TMEM184A: variants seen among roughly 807,000 people sequenced by gnomAD.
The protein encoded by TMEM184A is transmembrane protein 184A.
Under a neutral mutation model 39.5 loss-of-function variants are expected in TMEM184A, and 40 were observed. That is an observed-to-expected ratio of 1.01 (90% CI 0.79 to 1.32). TMEM184A has a LOEUF of 1.32. Among genes scored for constraint, TMEM184A ranks in the 40% most tolerant of loss-of-function variants. The pLI is 0.00. For missense variants in TMEM184A, 603 were observed against 568.8 expected (o/e 1.06, Z -0.61); for synonymous variants, 280 against 252.3 (o/e 1.11, Z -1.04).
chr7:1,550,292 G>A lies in TMEM184A; in HGVS notation c.476+13C>T, dbSNP rs1221908817. 3.1e-6 allele frequency: 5 copies of A among 1,612,144 alleles called. No individual in the cohort carries two copies. Among genetic ancestry groups the A allele is most frequent in the East Asian group, 2.2e-5 (1 of 44,860 alleles). Reference sequence around the variant, plus strand: ...GTGTGTGGGGTGTGGGGGCTCTGGGGTGACGGGCTTACTTGATGGGCTTTC... The same window carrying A: ...GTGTGTGGGGTGTGGGGGCTCTGGGATGACGGGCTTACTTGATGGGCTTTC... On this transcript the variant is annotated intron_variant, in intron 4 of 8. Transcript: ENST00000297477.
In TMEM184A at chr7:1,550,262, C is replaced by G. The variant is rs370700884; in HGVS notation, c.476+43G>C. The G allele has an allele frequency of 7.9e-5, 127 of 1,609,714 alleles. No homozygotes were observed. In the African/African-American group the frequency reaches 9.2e-4, roughly 12 times the overall value. ...GCCCCGGCGCCGCCGGGCTCCCTGTCCCAGGTGTGTGGGGTGTGGGGGCTC... is the reference window on the plus strand; with the variant it reads ...GCCCCGGCGCCGCCGGGCTCCCTGTGCCAGGTGTGTGGGGTGTGGGGGCTC... On this transcript the variant is annotated intron_variant, in intron 4 of 8. Coordinates refer to ENST00000297477, the MANE Select transcript of TMEM184A (RefSeq NM_001097620.2).
In TMEM184A at chr7:1,543,309, C is replaced by T. The variant is rs1012844495; in HGVS notation, c.*3643G>A. On this transcript the variant is annotated 3_prime_UTR_variant, in exon 9 of 9. Coordinates refer to ENST00000297477, the MANE Select transcript of TMEM184A (RefSeq NM_001097620.2). Reference sequence around the variant, plus strand: ...GTGTCCCCATCTGCCCCACCCGGAGCCCCCTGTCCATGCAGCCTCTCCCTT... The same window carrying T: ...GTGTCCCCATCTGCCCCACCCGGAGTCCCCTGTCCATGCAGCCTCTCCCTT... 13 of 152,302 alleles carry T rather than the reference C, an allele frequency of 8.5e-5. No individual in the cohort carries two copies. Among genetic ancestry groups the T allele is most frequent in the African/African-American group, 2.9e-4 (12 of 41,470 alleles). 9.4% of individuals were successfully genotyped at this position (152,302 alleles called of 1,614,324 possible). A position where few individuals can be genotyped will look rare whatever the true frequency, so the allele number is the denominator to read the frequency against.
intron 2 of TMEM184A, among the ~76,000 whole-genome samples, chr7:1,553,986 G>A (rs950561344): frequency 6.6e-5 from 10 of 152,114 alleles, no homozygotes; most frequent in African/African-American, 2.2e-4. Flanking sequence ...ACACACAGCC[G>A]GTTCCCAGGA....
chr7:1,549,755 C>A, intron 6 of TMEM184A, 99 bp downstream of exon 6: 1 of 1,110,996 alleles, frequency 9.0e-7, no homozygotes, highest in Non-Finnish European at 1.3e-6. Context: ...TTACTTGAGC[C>A]CAGCTGGACG....
At chr7:1,548,879 T>TG (rs924879069) in intron 6 of TMEM184A, 191 bp from the exon 7 acceptor site, 2 of 748,492 alleles carry the variant, frequency 2.7e-6, no homozygotes, top group Non-Finnish European at 4.6e-6. Flanking sequence ...TGGGGGTGGC[T>TG]GGGGGGCCTA....
chr7:1,549,393 T>A, intron 6 of TMEM184A: 1 of 271,534 alleles, frequency 3.7e-6, no homozygotes, highest in Non-Finnish European at 7.1e-6. Context: ...TGCCTGTCTG[T>A]TCAGCCAACA....
rs773094773 is a variant in TMEM184A, at chr7:1,549,907, G to A, written c.591C>T (p.Ala197=). ...LQFCLVKPVM[A]VTTIILQAFG... ...ATGCCTGGAGGATGATGGTGGTGACGGCCATGACGGGCTTCACCAGGCAGA... is the reference window on the plus strand; with the variant it reads ...ATGCCTGGAGGATGATGGTGGTGACAGCCATGACGGGCTTCACCAGGCAGA... Residue 197 remains alanine (A), a synonymous_variant, in exon 6 of 9, where the codon GCC becomes GCT. Coordinates refer to ENST00000297477, the MANE Select transcript of TMEM184A (RefSeq NM_001097620.2). 8 of 1,612,496 alleles carry A rather than the reference G, an allele frequency of 5.0e-6. No homozygotes were observed. Among genetic ancestry groups the A allele is most frequent in the East Asian group, 4.5e-5 (2 of 44,880 alleles).
Position 1,552,829 on chromosome 7 carries a change from C to T in TMEM184A, c.220-1847G>A, listed in dbSNP as rs572216414. On this transcript the variant is annotated intron_variant, in intron 2 of 8. Coordinates refer to ENST00000297477, the MANE Select transcript of TMEM184A (RefSeq NM_001097620.2). ...TAGCACTTTGGGAGGCCAAGGTGGGCGGATTACCTGAGCTCAGGAGTTCGA... is the reference window on the plus strand; with the variant it reads ...TAGCACTTTGGGAGGCCAAGGTGGGTGGATTACCTGAGCTCAGGAGTTCGA... Among the ~76,000 whole-genome samples the T allele has an allele frequency of 3.3e-5, 5 of 152,240 alleles. No individual in the cohort carries two copies. The South Asian group carries it at 1.0e-3, about 32-fold the overall frequency.
intron 6 of TMEM184A, 174 bp from the exon 7 acceptor site, chr7:1,548,862 G>T: frequency 1.2e-6 from 1 of 820,116 alleles, no homozygotes; most frequent in Non-Finnish European, 2.0e-6. Flanking sequence ...AGGAGAGCGT[G>T]GGGAGCTGGG....
chr7:1,551,628 T>C (rs1263190113), intron 2 of TMEM184A, among the ~76,000 whole-genome samples: 2 of 152,214 alleles, frequency 1.3e-5, no homozygotes, highest in African/African-American at 4.8e-5. Context: ...CTAAAAATAA[T>C]ACACATTTGA....
rs551494674 is a variant in TMEM184A, at chr7:1,554,417, G to A, written c.219+849C>T. Reference sequence around the variant, plus strand: ...GCCCAGCCCTCCACAGCCTTCCTGGGCTCCCAGCACCCCCTGAAAGCCACC... The same window carrying A: ...GCCCAGCCCTCCACAGCCTTCCTGGACTCCCAGCACCCCCTGAAAGCCACC... On this transcript the variant is annotated intron_variant, in intron 2 of 8. Coordinates refer to ENST00000297477, the MANE Select transcript of TMEM184A (RefSeq NM_001097620.2). 2.4e-3 allele frequency among the ~76,000 whole-genome samples: 362 copies of A among 152,154 alleles called. 1 individual carries two copies. The highest frequency in any genetic ancestry group is 3.4e-3 in the Non-Finnish European group (234 of 67,982).
intron 2 of TMEM184A, among the ~76,000 whole-genome samples, chr7:1,553,587 G>T (rs941819956): frequency 6.6e-6 from 1 of 152,090 alleles, no homozygotes; most frequent in Admixed American, 6.5e-5. Context: ...GGCGGTGGGC[G>T]AGCAGAGGCT....
At position 1,546,058 on chromosome 7, in the gene TMEM184A, A is replaced by G. The variant is rs1409864670; in HGVS notation, c.*894T>C. The G allele has an allele frequency of 1.3e-5, 2 of 152,324 alleles. No individual in the cohort carries two copies. Among genetic ancestry groups the G allele is most frequent in the Non-Finnish European group, 2.9e-5 (2 of 68,082 alleles). The allele number at this position is 152,324 out of a possible 1,614,324, so 9.4% of individuals were successfully genotyped here. On this transcript the variant is annotated 3_prime_UTR_variant, in exon 9 of 9. Coordinates refer to ENST00000297477, the MANE Select transcript of TMEM184A (RefSeq NM_001097620.2). ...TCCCAGGAGAAAGGCAGTGGCTGTGATCGCACAGCCCAGGCTCTGCCCTGC... is the reference window on the plus strand; with the variant it reads ...TCCCAGGAGAAAGGCAGTGGCTGTGGTCGCACAGCCCAGGCTCTGCCCTGC...
At position 1,546,941 on chromosome 7, in the gene TMEM184A, C is replaced by A; in HGVS notation, c.*11G>T. On this transcript the variant is annotated 3_prime_UTR_variant, in exon 9 of 9. Transcript: ENST00000297477. ...GCCTGGGTCCCTACAGCACTGGCAGCCCAGGCCCCCCTACAGGTCCTCCGA... is the reference window on the plus strand; with the variant it reads ...GCCTGGGTCCCTACAGCACTGGCAGACCAGGCCCCCCTACAGGTCCTCCGA... The A allele has an allele frequency of 6.5e-7, 1 of 1,529,838 alleles. No homozygotes were observed. Among genetic ancestry groups the A allele is most frequent in the Non-Finnish European group, 8.7e-7 (1 of 1,146,530 alleles). The allele number at this position is 1,529,838 out of a possible 1,614,324, so 94.8% of individuals were successfully genotyped here.
Position 1,550,190 on chromosome 7 carries a change from C to G in TMEM184A, c.485G>C (p.Cys162Ser). Reference sequence around the variant, plus strand: ...CCGGAGGCAGCAGGTGCCGTACAAGCAGCTGGACCTGCGGGGGACGTCCCT... The same window carrying G: ...CCGGAGGCAGCAGGTGCCGTACAAGGAGCTGGACCTGCGGGGGACGTCCCT... ...EIRGKPIKSS[C>S]LYGTCCLRGM... is the part of the protein sequence containing the mutation. The change falls in exon 5 of 9, where the codon TGC becomes TCC. Residue 162 changes from cysteine (C) to serine (S), a missense_variant. Coordinates refer to ENST00000297477, the MANE Select transcript of TMEM184A (RefSeq NM_001097620.2). 6.2e-7 allele frequency: 1 copy of G among 1,608,424 alleles called. No individual in the cohort carries two copies. Among genetic ancestry groups the G allele is most frequent in the Non-Finnish European group, 8.5e-7 (1 of 1,178,148 alleles).
At chr7:1,553,515 G>C (rs893856196) in intron 2 of TMEM184A, among the ~76,000 whole-genome samples, 1 of 152,180 alleles carries the variant, frequency 6.6e-6, no homozygotes, top group Non-Finnish European at 1.5e-5. Flanking sequence ...AGGGTCAGCC[G>C]AGCCTGGGAG....
chr7:1,548,935 C>T (rs1176474034), intron 6 of TMEM184A: 3 of 652,054 alleles, frequency 4.6e-6, no homozygotes, highest in Admixed American at 2.1e-5. Context: ...ACCGGCCCTG[C>T]TCCTCCTCGT....
rs11760769 is a variant in TMEM184A at position 1,544,305 on chromosome 7, C to T, written c.*2647G>A. On this transcript the variant is annotated 3_prime_UTR_variant, in exon 9 of 9. Coordinates refer to ENST00000297477, the MANE Select transcript of TMEM184A (RefSeq NM_001097620.2). ...CCCGCCCGGCCATGCAGCCTGCACCCGGGCCAGGCCAGGGCCCCCAGGGCT... is the reference window on the plus strand; with the variant it reads ...CCCGCCCGGCCATGCAGCCTGCACCTGGGCCAGGCCAGGGCCCCCAGGGCT... 0.59 allele frequency: 90,544 copies of T among 152,282 alleles called. 27,126 individuals are homozygous for T. The highest frequency in any genetic ancestry group is 0.68 in the East Asian group (3,511 of 5,164). The allele number at this position is 152,282 out of a possible 1,614,324, so 9.4% of individuals were successfully genotyped here.
Position 1,548,598 on chromosome 7 carries a change from G to A in TMEM184A, c.735C>T (p.Thr245=), listed in dbSNP as rs370340299. 1.4e-4 allele frequency: 223 copies of A among 1,613,826 alleles called. No homozygotes were observed. Among genetic ancestry groups the A allele is most frequent in the Non-Finnish European group, 1.8e-4 (214 of 1,180,006 alleles). ...GCTGGAAGGGCCGCAGGAGCTCCCT[G>A]GTGGTGAAGTAGAAGAGGAACAGGG... ...LYALFLFYFT[T]RELLRPFQPV... The change falls in exon 7 of 9, where the codon ACC becomes ACT. Residue 245 remains threonine (T), a synonymous_variant. Transcript: ENST00000297477.
Sources: allele counts gnomAD v4.1 joint callset (sites outside exome capture counted in the v4.1 genomes callset), GRCh38; gene constraint gnomAD v4.1.1; transcripts MANE v1.5; gene names NCBI Gene and HGNC (gene_info 2026-07-23, HGNC 2026-07-21).